Variants in GNPTAB observed in about 807,000 individuals in gnomAD.
GNPTAB encodes the protein N-acetylglucosamine-1-phosphotransferase subunits alpha/beta.
In GNPTAB, 92 loss-of-function variants were observed where a neutral mutation model predicts 136.6. That is an observed-to-expected ratio of 0.67 (90% CI 0.57 to 0.80). The LOEUF (loss-of-function observed/expected upper bound fraction) is 0.80, where lower values mean the gene tolerates loss of function less well. Ranked by LOEUF, GNPTAB falls within the 30% of genes least tolerant of loss-of-function variation. The pLI is 0.00. For missense variants in GNPTAB, 1,343 were observed against 1,501.8 expected (o/e 0.89, Z 1.75); for synonymous variants, 512 against 535.1 (o/e 0.96, Z 0.60).
intron 1 of GNPTAB, among the ~76,000 whole-genome samples, chr12:101,817,911 CTCCAGAGCAACTGT>C (rs1344916095): frequency 6.6e-6 from 1 of 152,214 alleles, no homozygotes; most frequent in Non-Finnish European, 1.5e-5. Context: ...TCCACATTAC[CTCCAGAGCAACTGT>C]TCTAAGCACA....
intron 2 of GNPTAB, chr12:101,795,854 A>C (rs1275909728): frequency 1.2e-5 from 2 of 173,090 alleles, no homozygotes; most frequent in Non-Finnish European, 2.4e-5. Context: ...GAGAAGACAG[A>C]AACAAAAACC....
chr12:101,777,285 C>T (rs1472028219), intron 7 of GNPTAB, among the ~76,000 whole-genome samples: 1 of 152,218 alleles, frequency 6.6e-6, no homozygotes, highest in Non-Finnish European at 1.5e-5. Context: ...TCCTACCACA[C>T]CTTTCCCTAG....
At chr12:101,774,362 T>C (rs1953228633) in intron 7 of GNPTAB, among the ~76,000 whole-genome samples, 1 of 152,222 alleles carries the variant, frequency 6.6e-6, no homozygotes, top group African/African-American at 2.4e-5. Flanking sequence ...TTAAGTGGAA[T>C]GTGTAATTAG....
rs537540401 is a variant in GNPTAB at position 101,747,276 on chromosome 12, C to A, written c.3694-35G>T. 3 of 1,229,200 alleles carry A rather than the reference C, an allele frequency of 2.4e-6. No homozygotes were observed. In the East Asian group the frequency reaches 7.0e-5, roughly 29 times the overall value. The allele number at this position is 1,229,200 out of a possible 1,614,324, so 76.1% of individuals were successfully genotyped here. On this transcript the variant is annotated intron_variant, in intron 20 of 20. Transcript: ENST00000299314. ...GAAAGACAGAAAATACATTTTAATT[C>A]TCACGTTGATGAAAGAATATAAGTG...
Position 101,757,596 on chromosome 12 carries a change from GC to G in GNPTAB, c.3310del (p.Ala1104HisfsTer22), listed in dbSNP as rs281865013. On this transcript the variant is annotated frameshift_variant, in exon 17 of 21. Coordinates refer to ENST00000299314, the MANE Select transcript of GNPTAB (RefSeq NM_024312.5). LOFTEE classifies it high-confidence loss of function. ...CCTATATTTGTTTTTGTCCTTATAT[GC>G]TTTGTGGATTTTGTCAGTTACTGGT... ...CKPVTDKIHK[A>X]YKDKNKYRFE... 1 of 1,565,930 alleles carries G rather than the reference GC, an allele frequency of 6.4e-7. No homozygotes were observed. Among genetic ancestry groups the G allele is most frequent in the East Asian group, 2.2e-5 (1 of 44,548 alleles).
chr12:101,780,572 T>G lies in GNPTAB; in HGVS notation c.621A>C (p.Val207=). ...AATAACATACCAAGTAGCCCCTCCATACTGTCTGTCTGCTATTTCCTTTAA... is the reference window on the plus strand; with the variant it reads ...AATAACATACCAAGTAGCCCCTCCAGACTGTCTGTCTGCTATTTCCTTTAA... ...GLLKGNSRQT[V]WRGYLTTDKE... The change falls in exon 6 of 21, where the codon GTA becomes GTC. Residue 207 remains valine (V), a synonymous_variant. Coordinates refer to ENST00000299314, the MANE Select transcript of GNPTAB (RefSeq NM_024312.5). 1 of 1,609,646 alleles carries G rather than the reference T, an allele frequency of 6.2e-7. No homozygotes were observed. The highest frequency in any genetic ancestry group is 8.5e-7 in the Non-Finnish European group (1 of 1,176,348).
In GNPTAB at chr12:101,789,922, A is replaced by AC. The variant is rs995433783; in HGVS notation, c.323+15_323+16insG. On this transcript the variant is annotated intron_variant, in intron 3 of 20. Transcript: ENST00000299314. ...CCACATTACCCATCTGATGTGAAAA[A>AC]AAAAATCAGTTTTACCTCATTGCTT... 1.2e-6 allele frequency: 2 copies of AC among 1,613,756 alleles called. No individual in the cohort carries two copies. The highest frequency in any genetic ancestry group is 2.7e-5 in the African/African-American group (2 of 74,906).
At chr12:101,817,720 G>A (rs1021783731) in intron 1 of GNPTAB, among the ~76,000 whole-genome samples, 3 of 152,140 alleles carry the variant, frequency 2.0e-5, no homozygotes, top group Non-Finnish European at 4.4e-5. Flanking sequence ...CAGCTATGGG[G>A]AGGCTGAGGT....
intron 1 of GNPTAB, among the ~76,000 whole-genome samples, chr12:101,797,688 C>T (rs770508775): frequency 1.3e-5 from 2 of 152,176 alleles, no homozygotes; most frequent in Non-Finnish European, 2.9e-5. Flanking sequence ...GACCTTATTA[C>T]CTGTGAGGTT....
chr12:101,811,891 G>T (rs189808266), intron 1 of GNPTAB, among the ~76,000 whole-genome samples: 1 of 150,214 alleles, frequency 6.7e-6, no homozygotes, highest in African/African-American at 2.4e-5. Context: ...TAACTGCCTC[G>T]GCCTCCCAAA....
In GNPTAB at chr12:101,761,323, G is replaced by A. The variant is rs986844570; in HGVS notation, c.2939C>T (p.Thr980Met). 2.4e-5 allele frequency: 39 copies of A among 1,613,782 alleles called. No homozygotes were observed. Among genetic ancestry groups the A allele is most frequent in the Non-Finnish European group, 3.2e-5 (38 of 1,179,980 alleles). The part of the protein sequence containing the change: ...QDMFPEEFDK[T>M]SFHKVRHSED... ...AGAATGGCGCACTTTGTGAAATGAC[G>A]TCTTGTCAAATTCTTCAGGGAACCT... Residue 980 changes from threonine to methionine, a missense_variant, in exon 15 of 21, where the codon ACG (threonine) becomes ATG (methionine). Transcript: ENST00000299314.
chr12:101,819,050 C>T (rs577304878), intron 1 of GNPTAB, among the ~76,000 whole-genome samples: 4 of 151,288 alleles, frequency 2.6e-5, no homozygotes, highest in Admixed American at 2.0e-4. Flanking sequence ...TCGCTCTTGT[C>T]GCCCAGGCTG....
intron 2 of GNPTAB, among the ~76,000 whole-genome samples, chr12:101,790,411 C>T (rs1162794474): frequency 6.6e-6 from 1 of 152,096 alleles, no homozygotes; most frequent in Non-Finnish European, 1.5e-5. Context: ...CATAATTTAG[C>T]AAAGAAGGGA....
chr12:101,762,903 TA>T lies in GNPTAB; in HGVS notation c.2716-1141del, dbSNP rs35645073. Among the ~76,000 whole-genome samples, 3,705 of 125,132 alleles carry T rather than the reference TA, an allele frequency of 0.03. 301 individuals carry two copies. The East Asian group carries it at 0.32, about 11-fold the overall frequency. The allele number at this position is 125,132 out of a possible 152,430, so 82.1% of individuals were successfully genotyped here. Reference sequence around the variant, plus strand: ...CTAGCCTATAATGCTTTTGTAAATTTAAAAAAAAAAAAAAAAAAAAAGGAAA... The same window carrying T: ...CTAGCCTATAATGCTTTTGTAAATTTAAAAAAAAAAAAAAAAAAAAGGAAA... On this transcript the variant is annotated intron_variant, in intron 13 of 20. Transcript: ENST00000299314.
intron 7 of GNPTAB, among the ~76,000 whole-genome samples, chr12:101,777,751 A>C (rs780953263): frequency 6.6e-5 from 10 of 152,192 alleles, no homozygotes; most frequent in Admixed American, 4.6e-4. Context: ...CTCATAATGT[A>C]ATCAGGAAGC....
intron 1 of GNPTAB, among the ~76,000 whole-genome samples, chr12:101,830,019 A>AAG (rs1555276979): frequency 6.6e-6 from 1 of 151,168 alleles, no homozygotes; most frequent in East Asian, 1.9e-4. Flanking sequence ...AAAAAAAAAA[A>AAG]AAAGAAAAAG....
Position 101,764,362 on chromosome 12 carries a change from ATTTT to A in GNPTAB, c.2551_2554del (p.Lys851SerfsTer19). The stretch of plus-strand genomic sequence containing the variant: ...ACTGTTCTCTTTTTCTTTCCCTGTG[ATTTT>A]CTTTTCTTTTGTCATCTGGCTTTCC... On this transcript the variant is annotated frameshift_variant, in exon 13 of 21. Coordinates refer to ENST00000299314, the MANE Select transcript of GNPTAB (RefSeq NM_024312.5). LOFTEE classifies it high-confidence loss of function. The A allele has an allele frequency of 6.2e-7, 1 of 1,613,452 alleles. No individual in the cohort carries two copies. The highest frequency in any genetic ancestry group is 8.5e-7 in the Non-Finnish European group (1 of 1,179,924).
Position 101,761,608 on chromosome 12 carries a change from C to T in GNPTAB, c.2871G>A (p.Met957Ile). The T allele has an allele frequency of 6.2e-7, 1 of 1,614,162 alleles. No homozygotes were observed. The highest frequency in any genetic ancestry group is 8.5e-7 in the Non-Finnish European group (1 of 1,180,020). ...GFTSRKVPAH[M>I]PHMIDRIVMQ... Reference sequence around the variant, plus strand: ...TAACAATCCGGTCAATCATGTGAGGCATGTGAGCAGGGACTTTCCGCGATG... The same window carrying T: ...TAACAATCCGGTCAATCATGTGAGGTATGTGAGCAGGGACTTTCCGCGATG... Residue 957 changes from methionine (M) to isoleucine (I), a missense_variant, in exon 14 of 21, where the codon ATG (methionine) becomes ATA (isoleucine). Physicochemically the swap from Met to Ile is conservative, Grantham distance 10. Transcript: ENST00000299314.
rs112815421 is a variant in GNPTAB at position 101,745,969 on chromosome 12, T to G, written c.*1195A>C. ...ACTGCTTGAACCCGGGAGGCGGAGG[T>G]TGCAGTGAGCTGAGATTGCGCCACT... On this transcript the variant is annotated 3_prime_UTR_variant, in exon 21 of 21. Transcript: ENST00000299314. The G allele has an allele frequency of 0.078, 11,840 of 152,198 alleles. 493 individuals are homozygous for G. The highest frequency in any genetic ancestry group is 0.17 in the South Asian group (836 of 4,818). 9.4% of individuals were successfully genotyped at this position (152,198 alleles called of 1,614,324 possible).
Sources: allele counts gnomAD v4.1 joint callset (sites outside exome capture counted in the v4.1 genomes callset), GRCh38; gene constraint gnomAD v4.1.1; transcripts MANE v1.5; gene names NCBI Gene and HGNC (gene_info 2026-07-23, HGNC 2026-07-21).